Variants in HTR2C observed in about 807,000 individuals in gnomAD.
The protein encoded by HTR2C is 5-hydroxytryptamine (serotonin) receptor 2C, G protein-coupled.
HTR2C carries 5 observed loss-of-function variants against 21.0 expected under a neutral mutation model. The observed-to-expected ratio is 0.24, with a 90% CI of 0.12 to 0.50. The LOEUF (loss-of-function observed/expected upper bound fraction) is 0.50, where lower values mean the gene tolerates loss of function less well. Among genes scored for constraint, HTR2C ranks in the 20% least tolerant of loss-of-function variants. HTR2C has a pLI of 0.98. For synonymous variants in HTR2C, 150 were observed against 145.3 expected (o/e 1.03, Z -0.23); for missense variants, 271 against 371.2 (o/e 0.73, Z 2.22).
chrX:114,702,841 G>C (rs1218189686), intron 2 of HTR2C, among the ~76,000 whole-genome samples: 1 of 106,649 alleles, frequency 9.4e-6, no homozygotes, highest in African/African-American at 3.4e-5. Context: ...ACACACATAG[G>C]CTCACAATAA....
At chrX:114,827,849 A>G (rs1556459067) in intron 4 of HTR2C, among the ~76,000 whole-genome samples, 2 of 111,217 alleles carry the variant, frequency 1.8e-5, no homozygotes, top group African/African-American at 6.5e-5. Context: ...CTGATGCAAA[A>G]TCTGAAGATA....
intron 4 of HTR2C, among the ~76,000 whole-genome samples, chrX:114,747,847 A>G: frequency 8.9e-6 from 1 of 112,336 alleles, no homozygotes; most frequent in Non-Finnish European, 1.9e-5. Context: ...ATGAGTGAAC[A>G]TAGAAGTGGA....
chrX:114,690,415 C>T (rs1289640374), intron 2 of HTR2C, among the ~76,000 whole-genome samples: 1 of 111,783 alleles, frequency 8.9e-6, no homozygotes, highest in Non-Finnish European at 1.9e-5. Flanking sequence ...ACTAACACTA[C>T]ATTATTTTGA....
At chrX:114,815,740 G>C (rs1340399557) in intron 4 of HTR2C, among the ~76,000 whole-genome samples, 1 of 109,777 alleles carries the variant, frequency 9.1e-6, no homozygotes, top group Non-Finnish European at 1.9e-5. Context: ...AAATAAGGCA[G>C]CAATAAATAT....
rs1312070105 is a variant in HTR2C, at chrX:114,833,536, T to C, written c.350-14467T>C. Among the ~76,000 whole-genome samples, 9 of 111,030 alleles carry C rather than the reference T, an allele frequency of 8.1e-5. No individual in the cohort carries two copies. The South Asian group carries it at 3.5e-3, about 43-fold the overall frequency. On this transcript the variant is annotated intron_variant, in intron 4 of 5. Coordinates refer to ENST00000276198, the MANE Select transcript of HTR2C (RefSeq NM_000868.4). ...ATGGTAGTTTGTATTTCGGTGGGAT[T>C]AGTGGTGATATCCCCTTTATCATTT...
rs367801383 is a variant in HTR2C, at chrX:114,790,670, G to A, written c.350-57333G>A. ...AATGTACATGTCTATTAGAGGCATAGCGTAGAAAATGAATACCCCTTTTCT... is the reference window on the plus strand; with the variant it reads ...AATGTACATGTCTATTAGAGGCATAACGTAGAAAATGAATACCCCTTTTCT... On this transcript the variant is annotated intron_variant, in intron 4 of 5. Coordinates refer to ENST00000276198, the MANE Select transcript of HTR2C (RefSeq NM_000868.4). Among the ~76,000 whole-genome samples, 91 of 111,839 alleles carry A rather than the reference G, an allele frequency of 8.1e-4. 4 individuals are homozygous for A. In the East Asian group the frequency reaches 0.014, roughly 17 times the overall value.
intron 4 of HTR2C, among the ~76,000 whole-genome samples, chrX:114,791,216 G>T (rs1556443480): frequency 8.9e-6 from 1 of 112,314 alleles, no homozygotes; most frequent in East Asian, 2.8e-4. Context: ...AAGATTTGCA[G>T]AAAAATTAAA....
At chrX:114,712,631 A>G (rs1556419301) in intron 2 of HTR2C, among the ~76,000 whole-genome samples, 2 of 111,953 alleles carry the variant, frequency 1.8e-5, no homozygotes, top group Non-Finnish European at 3.8e-5. Context: ...GGTATGGCCT[A>G]TATTTAGTGA....
intron 4 of HTR2C, among the ~76,000 whole-genome samples, chrX:114,798,209 C>A (rs1166217467): frequency 9.0e-6 from 1 of 110,804 alleles, no homozygotes; most frequent in Non-Finnish European, 1.9e-5. Flanking sequence ...CTTCATTTTG[C>A]AGATCTGGAA....
chrX:114,689,208 GTATATATA>G (rs58916694), intron 2 of HTR2C, among the ~76,000 whole-genome samples: 5 of 72,721 alleles, frequency 6.9e-5, no homozygotes, highest in South Asian at 8.1e-4. Flanking sequence ...GTATGTATGC[GTATATATA>G]TATATATATA....
intron 2 of HTR2C, among the ~76,000 whole-genome samples, chrX:114,617,059 A>G (rs1556400423): frequency 8.9e-6 from 1 of 112,309 alleles, no homozygotes; most frequent in Non-Finnish European, 1.9e-5. Flanking sequence ...AATTAACAGA[A>G]TCTGTTTTCA....
At chrX:114,857,842 AG>A (rs1316788641) in intron 5 of HTR2C, among the ~76,000 whole-genome samples, 2 of 111,047 alleles carry the variant, frequency 1.8e-5, no homozygotes, top group Admixed American at 9.6e-5. Context: ...TGATCATCTT[AG>A]CTTTCACATT....
intron 1 of HTR2C, among the ~76,000 whole-genome samples, chrX:114,601,394 G>T (rs1556394351): frequency 9.2e-6 from 1 of 109,116 alleles, no homozygotes; most frequent in African/African-American, 3.3e-5. Context: ...GATGAGGGTG[G>T]GGCTGTTTTA....
intron 2 of HTR2C, among the ~76,000 whole-genome samples, chrX:114,710,366 C>T (rs1932873430): frequency 9.0e-6 from 1 of 110,877 alleles, no homozygotes; most frequent in South Asian, 3.8e-4. Context: ...TTGACAGGTA[C>T]AATGTTTAAT....
intron 4 of HTR2C, among the ~76,000 whole-genome samples, chrX:114,739,605 C>T (rs782184970): frequency 9.0e-6 from 1 of 111,202 alleles, no homozygotes; most frequent in South Asian, 3.8e-4. Flanking sequence ...ATATCATTGG[C>T]ATAACAACAA....
intron 2 of HTR2C, among the ~76,000 whole-genome samples, chrX:114,675,917 T>C (rs1416467082): frequency 2.9e-5 from 3 of 104,683 alleles, no homozygotes; most frequent in African/African-American, 1.0e-4. Flanking sequence ...TCCTCCAGGC[T>C]GGAGTGAGAT....
intron 1 of HTR2C, among the ~76,000 whole-genome samples, chrX:114,596,903 A>ACAT (rs1927872998): frequency 9.1e-6 from 1 of 109,661 alleles, no homozygotes; most frequent in Admixed American, 9.7e-5. Context: ...GATTTCTATC[A>ACAT]CATCATCATC....
At chrX:114,790,712 A>C (rs2070222394) in intron 4 of HTR2C, among the ~76,000 whole-genome samples, 1 of 112,096 alleles carries the variant, frequency 8.9e-6, no homozygotes, top group Non-Finnish European at 1.9e-5. Flanking sequence ...CATTTAGAAA[A>C]TAGCACTGCT....
At chrX:114,785,597 A>C (rs1187263840) in intron 4 of HTR2C, among the ~76,000 whole-genome samples, 1 of 111,594 alleles carries the variant, frequency 9.0e-6, no homozygotes, top group African/African-American at 3.3e-5. Flanking sequence ...TGGAAAAAAA[A>C]TCAGGCCACT....
Sources: allele counts gnomAD v4.1 joint callset (sites outside exome capture counted in the v4.1 genomes callset), GRCh38; gene constraint gnomAD v4.1.1; transcripts MANE v1.5; gene names NCBI Gene and HGNC (gene_info 2026-07-23, HGNC 2026-07-21).